The following BRAF variants were observed in gnomAD, a reference collection of about 807,000 sequenced individuals.
BRAF encodes B-Raf proto-oncogene, serine/threonine kinase, also known as serine/threonine-protein kinase B-raf.
Under a neutral mutation model 104.6 loss-of-function variants are expected in BRAF, and 16 were observed. The observed-to-expected ratio is 0.15, with a 90% CI of 0.10 to 0.23. The LOEUF (loss-of-function observed/expected upper bound fraction) is 0.23, where lower values mean the gene tolerates loss of function less well. Among genes scored for constraint, BRAF ranks in the 10% least tolerant of loss-of-function variants. The pLI is 1.00. For missense variants in BRAF, 541 were observed against 937.3 expected (o/e 0.58, Z 5.52); for synonymous variants, 310 against 341.6 (o/e 0.91, Z 1.02).
rs533272664 is a variant in BRAF at position 140,720,886 on chromosome 7, G to C, written c.*5608C>G. On this transcript the variant is annotated 3_prime_UTR_variant, in exon 20 of 20. Transcript: ENST00000644969. ...ACCCGTCAACAGACCCTTCCTTTGC[G>C]GCATCTCTTCACAAATTTTCTGCCA... 1.2e-3 allele frequency: 1,264 copies of C among 1,065,976 alleles called. No individual in the cohort carries two copies. Among genetic ancestry groups the C allele is most frequent in the Non-Finnish European group, 1.4e-3 (1,194 of 879,718 alleles). The allele number at this position is 1,065,976 out of a possible 1,614,324, so 66.0% of individuals were successfully genotyped here. A position where few individuals can be genotyped will look rare whatever the true frequency, so the allele number is the denominator to read the frequency against.
downstream of BRAF, among the ~76,000 whole-genome samples, chr7:140,717,134 G>GT (rs1192783603): frequency 6.6e-6 from 1 of 152,106 alleles, no homozygotes; most frequent in Non-Finnish European, 1.5e-5. Flanking sequence ...TCCAAATCTC[G>GT]TTACAGCCAT....
intron 1 of BRAF, among the ~76,000 whole-genome samples, chr7:140,915,049 CAAAAAAAA>C (rs567503566): frequency 3.2e-5 from 2 of 61,850 alleles, no homozygotes; most frequent in African/African-American, 1.2e-4. Flanking sequence ...ACTCCGTCTC[CAAAAAAAA>C]AAAAAAAAAA....
At chr7:140,791,240 C>T (rs1484654107) in intron 8 of BRAF, among the ~76,000 whole-genome samples, 2 of 152,240 alleles carry the variant, frequency 1.3e-5, no homozygotes, top group South Asian at 2.1e-4. Context: ...TCCTCACCTG[C>T]TGCCTTCTCC....
intron 1 of BRAF, among the ~76,000 whole-genome samples, chr7:140,922,602 A>G (rs1328592969): frequency 6.6e-6 from 1 of 152,226 alleles, no homozygotes; most frequent in Non-Finnish European, 1.5e-5. Context: ...CAAACAAGAT[A>G]CAATTCAACA....
At position 140,794,357 on chromosome 7, in the gene BRAF, G is replaced by A. The variant is rs1802301891; in HGVS notation, c.1091C>T (p.Ser364Leu). Residue 364 changes from serine to leucine, a missense_variant, in exon 8 of 20, where the codon TCA (serine) becomes TTA (leucine). This residue lies in a region of BRAF where 2 missense variants were observed against 19.3 expected (regional missense o/e 0.10). Coordinates refer to ENST00000644969, the MANE Select transcript of BRAF (RefSeq NM_001374258.1). ...GTTTATATGCACATTGGGAGCTGAT[G>A]AGGATCGGTCTCGTTGCCCAAATTG... is the stretch of plus-strand genomic sequence containing the variant. ...RNQFGQRDRS[S>L]SAPNVHINTI... The A allele has an allele frequency of 1.9e-6, 3 of 1,613,932 alleles. No individual in the cohort carries two copies. The highest frequency in any genetic ancestry group is 2.5e-6 in the Non-Finnish European group (3 of 1,180,018).
At chr7:140,894,122 A>C (rs1343801533) in intron 1 of BRAF, among the ~76,000 whole-genome samples, 1 of 152,204 alleles carries the variant, frequency 6.6e-6, no homozygotes, top group Non-Finnish European at 1.5e-5. Context: ...TGAGAGACCC[A>C]GACCCTGTCT....
chr7:140,867,262 G>T (rs1811069271), intron 1 of BRAF, among the ~76,000 whole-genome samples: 1 of 152,176 alleles, frequency 6.6e-6, no homozygotes, highest in Non-Finnish European at 1.5e-5. Context: ...TATATTGCAT[G>T]GTCTATGTCT....
At chr7:140,754,870 A>G (rs1466254715) in intron 14 of BRAF, among the ~76,000 whole-genome samples, 2 of 152,216 alleles carry the variant, frequency 1.3e-5, no homozygotes, top group African/African-American at 2.4e-5. Context: ...TATTCTTAAA[A>G]TATTTTCTTA....
intron 1 of BRAF, among the ~76,000 whole-genome samples, chr7:140,893,446 T>C (rs772605266): frequency 2.6e-5 from 4 of 152,052 alleles, no homozygotes; most frequent in African/African-American, 9.7e-5. Context: ...AGACGGGGTT[T>C]CACCATGTTA....
At chr7:140,787,651 G>C in intron 8 of BRAF, 67 bp from the exon 9 acceptor site, 1 of 1,328,268 alleles carries the variant, frequency 7.5e-7, no homozygotes, top group Non-Finnish European at 1.1e-6. Flanking sequence ...CGATAACACT[G>C]AATTTTCCAC....
At chr7:140,901,360 C>A (rs1815607629) in intron 1 of BRAF, among the ~76,000 whole-genome samples, 1 of 152,028 alleles carries the variant, frequency 6.6e-6, no homozygotes. Flanking sequence ...CTCACATTCA[C>A]AAAGGTAATA....
At chr7:140,759,214 T>C (rs1798460193) in intron 14 of BRAF, among the ~76,000 whole-genome samples, 1 of 152,242 alleles carries the variant, frequency 6.6e-6, no homozygotes, top group South Asian at 2.1e-4. Flanking sequence ...GTTTCATTTA[T>C]TTTGGGTAAT....
intron 1 of BRAF, among the ~76,000 whole-genome samples, chr7:140,920,815 C>A (rs1818134571): frequency 6.6e-6 from 1 of 152,066 alleles, no homozygotes; most frequent in Non-Finnish European, 1.5e-5. Context: ...CTAGAAATAC[C>A]AAAGACAAAC....
intron 1 of BRAF, among the ~76,000 whole-genome samples, chr7:140,896,545 A>G (rs1814921764): frequency 6.6e-6 from 1 of 152,022 alleles, no homozygotes; most frequent in Admixed American, 6.6e-5. Context: ...CCTGGCCAAC[A>G]TGGTGAAATC....
intron 1 of BRAF, among the ~76,000 whole-genome samples, chr7:140,870,854 C>T (rs553221555): frequency 6.8e-6 from 1 of 147,502 alleles, no homozygotes; most frequent in South Asian, 2.2e-4. Context: ...AAATCAAAAT[C>T]ACTGCCTTTT....
At chr7:140,920,339 C>T (rs1818084112) in intron 1 of BRAF, among the ~76,000 whole-genome samples, 2 of 152,124 alleles carry the variant, frequency 1.3e-5, no homozygotes, top group African/African-American at 4.8e-5. Context: ...AGGAAGAACA[C>T]AAAAGTAGTC....
chr7:140,724,676 A>G lies in BRAF; in HGVS notation c.*1818T>C. 12 of 1,034,228 alleles carry G rather than the reference A, an allele frequency of 1.2e-5. No individual in the cohort carries two copies. The highest frequency in any genetic ancestry group is 1.4e-5 in the Non-Finnish European group (12 of 859,530). The allele number at this position is 1,034,228 out of a possible 1,614,324, so 64.1% of individuals were successfully genotyped here. A position where few individuals can be genotyped will look rare whatever the true frequency, so the allele number is the denominator to read the frequency against. Reference sequence around the variant, plus strand: ...TGAGCTTTTAGTGGCTGCAATATAGACAGCAGGGCCTGGAGTTACAATCTG... The same window carrying G: ...TGAGCTTTTAGTGGCTGCAATATAGGCAGCAGGGCCTGGAGTTACAATCTG... On this transcript the variant is annotated 3_prime_UTR_variant, in exon 20 of 20. Transcript: ENST00000644969.
intron 1 of BRAF, among the ~76,000 whole-genome samples, chr7:140,882,593 G>T (rs1223896737): frequency 6.6e-6 from 1 of 151,924 alleles, no homozygotes. Context: ...GGTCAGGCTG[G>T]TCTTGAACAC....
chr7:140,913,469 C>CT (rs369746551), intron 1 of BRAF, among the ~76,000 whole-genome samples: 30,380 of 56,796 alleles, frequency 0.53, 13,431 homozygotes, highest in Non-Finnish European at 0.64. Flanking sequence ...TTAATCACAG[C>CT]TTTTTTTTTT....
Sources: allele counts gnomAD v4.1 joint callset (sites outside exome capture counted in the v4.1 genomes callset), GRCh38; gene constraint gnomAD v4.1.1; regional missense constraint gnomAD v4.1.1; transcripts MANE v1.5; gene names NCBI Gene and HGNC (gene_info 2026-07-23, HGNC 2026-07-21).